The following IMPG2 variants were observed in gnomAD, a reference collection of about 807,000 sequenced individuals.
The protein encoded by IMPG2 is interphotoreceptor matrix proteoglycan 2.
In IMPG2, 91 loss-of-function variants were observed where a neutral mutation model predicts 129.2. The ratio of observed to expected loss-of-function variants is 0.70; its 90% confidence interval spans 0.59 to 0.84. The LOEUF is 0.84. IMPG2 is among the 40% of genes least tolerant of loss of function. The probability of loss-of-function intolerance (pLI) is 0.00; values close to 1 mark genes in which losing one functional copy is unlikely to be tolerated. For synonymous variants in IMPG2, 510 were observed against 517.7 expected (o/e 0.99, Z 0.20); for missense variants, 1,430 against 1,461.7 (o/e 0.98, Z 0.35).
rs967589063 is a variant in IMPG2, at chr3:101,257,566, G to A, written c.1116C>T (p.Ser372=). 6.2e-7 allele frequency: 1 copy of A among 1,613,186 alleles called. No individual in the cohort carries two copies. The highest frequency in any genetic ancestry group is 1.3e-5 in the African/African-American group (1 of 74,846). ...GCAGGGAATCAGGATCTGGATTCAA[G>A]GAAGAGTTCCCCAGCAAAAAATTCT... The part of the protein sequence containing the change: ...LQQNFLLGNS[S]LNPDPDSLQL... The change falls in exon 10 of 19, where the codon TCC becomes TCT. Residue 372 remains serine (S), a synonymous_variant. Coordinates refer to ENST00000193391, the MANE Select transcript of IMPG2 (RefSeq NM_016247.4).
intron 11 of IMPG2, among the ~76,000 whole-genome samples, chr3:101,250,752 G>A (rs1020656084): frequency 9.9e-5 from 15 of 152,140 alleles, no homozygotes; most frequent in African/African-American, 3.1e-4. Flanking sequence ...ATATTCCACA[G>A]GTTTATAAGA....
At position 101,223,767 on chromosome 3, in the gene IMPG2, C is replaced by T. The variant is rs1706189811; in HGVS notation, c.*3202G>A. 6.6e-6 allele frequency: 1 copy of T among 152,152 alleles called. No homozygotes were observed. Among genetic ancestry groups the T allele is most frequent in the African/African-American group, 2.4e-5 (1 of 41,424 alleles). 9.4% of individuals were successfully genotyped at this position (152,152 alleles called of 1,614,324 possible). A position where few individuals can be genotyped will look rare whatever the true frequency, so the allele number is the denominator to read the frequency against. ...AAGAGAAAGTGGGGAGGAGCCAACC[C>T]ATGGTGACAGATAATGCAGAAGAAG... On this transcript the variant is annotated 3_prime_UTR_variant, in exon 19 of 19. Transcript: ENST00000193391.
chr3:101,278,337 C>A (rs1706859447), intron 4 of IMPG2, among the ~76,000 whole-genome samples: 1 of 152,168 alleles, frequency 6.6e-6, no homozygotes, highest in Admixed American at 6.5e-5. Flanking sequence ...GTGCCCAGGT[C>A]TGTGATGTGC....
chr3:101,228,700 ATG>A, intron 18 of IMPG2, 95 bp downstream of exon 18: 1 of 961,028 alleles, frequency 1.0e-6, no homozygotes, highest in Non-Finnish European at 1.7e-6. Flanking sequence ...CTCCTGTCAC[ATG>A]GACAGGAAAT....
At chr3:101,297,424 G>A (rs1216866981) in intron 3 of IMPG2, among the ~76,000 whole-genome samples, 1 of 151,502 alleles carries the variant, frequency 6.6e-6, no homozygotes, top group African/African-American at 2.4e-5. Context: ...GATCTTAGTT[G>A]TTTCTTGTGT....
intron 2 of IMPG2, among the ~76,000 whole-genome samples, chr3:101,314,560 T>TCCAGGTTAACTAACTTCTATCACCCCA (rs2107144969): frequency 6.6e-6 from 1 of 152,236 alleles, no homozygotes; most frequent in African/African-American, 2.4e-5. Context: ...TTCTTCGAAA[T>TCCAGGTTAACTAACTTCTATCACCCCA]CCAGGTTAAC....
chr3:101,233,926 C>T (rs1706318032), intron 14 of IMPG2, among the ~76,000 whole-genome samples: 1 of 151,946 alleles, frequency 6.6e-6, no homozygotes, highest in African/African-American at 2.4e-5. Context: ...GAAGGATCTA[C>T]ATACATAATG....
At chr3:101,281,001 A>G (rs888473951) in intron 4 of IMPG2, among the ~76,000 whole-genome samples, 2 of 152,050 alleles carry the variant, frequency 1.3e-5, no homozygotes, top group African/African-American at 4.8e-5. Context: ...CTCAACTACA[A>G]TTCTCAACTA....
chr3:101,282,718 G>C (rs1706905234), intron 4 of IMPG2, among the ~76,000 whole-genome samples: 1 of 152,066 alleles, frequency 6.6e-6, no homozygotes. Flanking sequence ...GATGAATAGA[G>C]ACCATGTAGG....
intron 6 of IMPG2, among the ~76,000 whole-genome samples, chr3:101,274,951 C>T (rs780335383): frequency 1.3e-4 from 19 of 151,790 alleles, no homozygotes; most frequent in African/African-American, 2.2e-4. Flanking sequence ...CAGAGTGGAG[C>T]GACTTAACCT....
intron 2 of IMPG2, among the ~76,000 whole-genome samples, chr3:101,309,809 A>G (rs1707241427): frequency 6.6e-6 from 1 of 152,230 alleles, no homozygotes; most frequent in Non-Finnish European, 1.5e-5. Context: ...CAACCCAAGT[A>G]TCCATCAATA....
intron 14 of IMPG2, among the ~76,000 whole-genome samples, chr3:101,235,689 T>A (rs946696622): frequency 6.6e-6 from 1 of 152,198 alleles, no homozygotes; most frequent in African/African-American, 2.4e-5. Context: ...GCTAACTGTA[T>A]GTTTGGAAAA....
chr3:101,304,391 C>A, intron 2 of IMPG2, 79 bp from the exon 3 acceptor site: 1 of 1,334,856 alleles, frequency 7.5e-7, no homozygotes, highest in East Asian at 2.3e-5. Context: ...CTGATTCGTA[C>A]AGATTCCTTG....
intron 16 of IMPG2, among the ~76,000 whole-genome samples, chr3:101,230,487 T>C (rs62280636): frequency 0.13 from 19,552 of 152,236 alleles, 1,321 homozygotes; most frequent in South Asian, 0.17. Context: ...ATTCACCTCT[T>C]CTATCTCATC....
chr3:101,260,707 C>A (rs1396994195), intron 9 of IMPG2, among the ~76,000 whole-genome samples: 1 of 152,136 alleles, frequency 6.6e-6, no homozygotes, highest in Non-Finnish European at 1.5e-5. Context: ...CCTTCTTCAC[C>A]TGGCTATTTC....
intron 14 of IMPG2, among the ~76,000 whole-genome samples, chr3:101,237,625 G>A (rs949568780): frequency 6.6e-6 from 1 of 152,204 alleles, no homozygotes; most frequent in African/African-American, 2.4e-5. Flanking sequence ...CAGCAGAGAA[G>A]CCTGACTGTT....
Position 101,231,156 on chromosome 3 carries a change from C to A in IMPG2, c.3234-11G>T, listed in dbSNP as rs1706282148. 6.2e-7 allele frequency: 1 copy of A among 1,613,718 alleles called. No individual in the cohort carries two copies. Among genetic ancestry groups the A allele is most frequent in the African/African-American group, 1.3e-5 (1 of 74,920 alleles). On this transcript the variant is annotated splice_polypyrimidine_tract_variant and intron_variant, in intron 15 of 18. Transcript: ENST00000193391. ...TCACCCACCCGGCACCTGCAACCAA[C>A]AGTCACCAAGTCCGATATCTGAATC... is the stretch of plus-strand genomic sequence containing the variant.
chr3:101,250,565 G>GA (rs1196925625), intron 11 of IMPG2, among the ~76,000 whole-genome samples: 3 of 152,076 alleles, frequency 2.0e-5, no homozygotes, highest in Non-Finnish European at 2.9e-5. Context: ...CAAAAAAAGA[G>GA]AAAAAAACAG....
intron 17 of IMPG2, 95 bp from the exon 18 acceptor site, chr3:101,228,971 A>C: frequency 1.1e-6 from 1 of 886,370 alleles, no homozygotes. Flanking sequence ...GAATTGTTAC[A>C]TTCTGGGCTA....
Sources: gnomAD v4.1 joint callset for allele counts (sites outside exome capture counted in the v4.1 genomes callset) on GRCh38, gnomAD v4.1.1 for gene constraint, MANE v1.5 for transcripts, NCBI Gene and HGNC (gene_info 2026-07-23, HGNC 2026-07-21) for gene names.